MYLK2: variants seen among roughly 807,000 people sequenced by gnomAD.
MYLK2 encodes the protein myosin light chain kinase 2.
A neutral mutation model predicts 58.2 loss-of-function variants in MYLK2; 27 were observed. The ratio of observed to expected loss-of-function variants is 0.46; its 90% confidence interval spans 0.34 to 0.64. The LOEUF is 0.64. Ranked by LOEUF, MYLK2 falls within the 30% of genes least tolerant of loss-of-function variation. The pLI, the probability that MYLK2 is intolerant of heterozygous loss-of-function variation, is 0.01. For missense variants in MYLK2, 676 were observed against 764.3 expected, an observed-to-expected ratio of 0.88 and a Z score of 1.36; for synonymous variants, 310 against 296.7, an observed-to-expected ratio of 1.04 and a Z score of -0.46.
At chr20:31,824,151 A>T in intron 5 of MYLK2, 108 bp from the exon 6 acceptor site, 1 of 1,539,972 alleles carries the variant, frequency 6.5e-7, no homozygotes, top group Non-Finnish European at 8.7e-7. Flanking sequence ...ACCAAAGGGG[A>T]TCCAGAGGCA....
In MYLK2 at chr20:31,821,514, C is replaced by T. The variant is rs3746597; in HGVS notation, c.549C>T (p.His183=). The change falls in exon 4 of 13, where the codon CAC becomes CAT. Residue 183 remains histidine (H), a synonymous_variant. Coordinates refer to ENST00000375985, the MANE Select transcript of MYLK2 (RefSeq NM_033118.4). ...CCTTTGAAGGGGTGCCCATGACCCA[C>T]AGCCCCACGGATCCCAGGCCAGCCA... is the stretch of plus-strand genomic sequence containing the variant. ...ELTFEGVPMT[H]SPTDPRPAKA... is the part of the protein sequence containing the mutation. The T allele has an allele frequency of 5.7e-4, 920 of 1,614,056 alleles. 7 individuals are homozygous for T. The East Asian group carries it at 0.019, about 33-fold the overall frequency.
intron 5 of MYLK2, 177 bp from the exon 6 acceptor site, chr20:31,824,082 A>G (rs2062266146): frequency 1.0e-6 from 1 of 985,456 alleles, no homozygotes; most frequent in Non-Finnish European, 1.2e-6. Context: ...TTGTCCTGGC[A>G]GAACAGCTCA....
chr20:31,822,306 G>A (rs2062255330), intron 4 of MYLK2, among the ~76,000 whole-genome samples: 1 of 152,192 alleles, frequency 6.6e-6, no homozygotes, highest in Non-Finnish European at 1.5e-5. Flanking sequence ...CCTGGGCAAT[G>A]GAATTTGGAG....
At position 31,832,039 on chromosome 20, in the gene MYLK2, C is replaced by T. The variant is rs1600414450; in HGVS notation, c.1613C>T (p.Pro538Leu). The change falls in exon 12 of 13, where the codon CCC becomes CTC. Residue 538 changes from proline (P) to leucine (L), a missense_variant. This residue lies in a region of MYLK2 where 370 missense variants were observed against 467.8 expected (regional missense o/e 0.79). Coordinates refer to ENST00000375985, the MANE Select transcript of MYLK2 (RefSeq NM_033118.4). The part of the protein sequence containing the change: ...RMNAAQCLAH[P>L]WLNNLAEKAK... ...AACGCTGCCCAGTGTCTCGCCCATC[C>T]CTGGCTCAACAACCTGGCGGAGAAA... 3.1e-6 allele frequency: 5 copies of T among 1,607,520 alleles called. No homozygotes were observed. Among genetic ancestry groups the T allele is most frequent in the South Asian group, 1.1e-5 (1 of 90,108 alleles).
At chr20:31,821,347 G>A (rs2062251028) in intron 3 of MYLK2, 92 bp from the exon 4 acceptor site, 1 of 1,493,680 alleles carries the variant, frequency 6.7e-7, no homozygotes, top group South Asian at 1.2e-5. Context: ...TTTGGGGTGG[G>A]GTTGGATTAG....
rs760033905 is a variant in MYLK2, at chr20:31,833,745, A to G, written c.1739A>G (p.Asn580Ser). The change falls in exon 13 of 13, where the codon AAC (asparagine) becomes AGC (serine). Residue 580 changes from asparagine (N) to serine (S), a missense_variant. Physicochemically the swap from Asn to Ser is conservative, Grantham distance 46 (BLOSUM62 1). Transcript: ENST00000375985. ...KKNFIAVSAA[N>S]RFKKISSSGA... ...AACTTCATTGCTGTCAGCGCTGCCA[A>G]CCGCTTCAAGAAGATCAGCAGCTCG... 1.9e-6 allele frequency: 3 copies of G among 1,613,840 alleles called. No homozygotes were observed. In the South Asian group the frequency reaches 3.3e-5, roughly 18 times the overall value.
At chr20:31,833,608 C>T (rs1020886674) in intron 12 of MYLK2, 109 bp from the exon 13 acceptor site, 1 of 1,010,006 alleles carries the variant, frequency 9.9e-7, no homozygotes. Flanking sequence ...TGCACCTTCT[C>T]TAGCCTGTGA....
intron 9 of MYLK2, 44 bp from the exon 10 acceptor site, chr20:31,830,969 T>C: frequency 4.3e-6 from 7 of 1,613,856 alleles, no homozygotes; most frequent in Non-Finnish European, 5.9e-6. Context: ...GGGGCATGGG[T>C]ATAGGCCAGG....
chr20:31,824,403 G>C, intron 6 of MYLK2, 51 bp downstream of exon 6: 1 of 1,575,608 alleles, frequency 6.3e-7, no homozygotes, highest in Non-Finnish European at 8.6e-7. Context: ...GGGGATCCTT[G>C]GAGTGGGCAC....
At position 31,821,671 on chromosome 20, in the gene MYLK2, G is replaced by C; in HGVS notation, c.706G>C (p.Glu236Gln). ...RGIEFQAVPS[E>Q]KSEVGQALCL... ...GATTGAGTTCCAGGCTGTTCCCTCA[G>C]AGAAATCCGAGGTGGGGCAGGCCCT... The change falls in exon 4 of 13, where the codon GAG (glutamate) becomes CAG (glutamine). Residue 236 changes from glutamate to glutamine, a missense_variant. Glu to Gln is a conservative substitution (Grantham distance 29). This residue lies in a region of MYLK2 where 306 missense variants were observed against 296.5 expected (regional missense o/e 1.03). Coordinates refer to ENST00000375985, the MANE Select transcript of MYLK2 (RefSeq NM_033118.4). 5 of 1,613,556 alleles carry C rather than the reference G, an allele frequency of 3.1e-6. No homozygotes were observed. The highest frequency in any genetic ancestry group is 4.2e-6 in the Non-Finnish European group (5 of 1,179,596).
At position 31,830,819 on chromosome 20, in the gene MYLK2, C is replaced by G; in HGVS notation, c.1225C>G (p.Pro409Ala). 1 of 1,613,988 alleles carries G rather than the reference C, an allele frequency of 6.2e-7. No homozygotes were observed. The highest frequency in any genetic ancestry group is 8.5e-7 in the Non-Finnish European group (1 of 1,179,984). ...CCCAGGCCACCCCCTTTCTCCTCAG[C>G]CAGAGAACATCCTGTGTGTCAACAC... ...KMRVLHLDLK[P>A]ENILCVNTTG... is the part of the protein sequence containing the mutation. Residue 409 changes from proline (P) to alanine (A), a missense_variant and splice_region_variant, in exon 9 of 13, where the codon CCA becomes GCA. This residue lies in a region of MYLK2 where 370 missense variants were observed against 467.8 expected (regional missense o/e 0.79). Transcript: ENST00000375985.
At chr20:31,830,478 G>A (rs1042758434) in intron 8 of MYLK2, among the ~76,000 whole-genome samples, 11 of 152,138 alleles carry the variant, frequency 7.2e-5, no homozygotes, top group African/African-American at 1.2e-4. Context: ...GCCTGGGGGC[G>A]GGGATAGCAG....
intron 5 of MYLK2, 62 bp downstream of exon 5, chr20:31,823,644 T>A: frequency 6.6e-7 from 1 of 1,511,560 alleles, no homozygotes; most frequent in Admixed American, 1.7e-5. Context: ...TCCTGTGGCT[T>A]CACATTTCCC....
chr20:31,822,339 T>TGCCA (rs940370623), intron 4 of MYLK2, among the ~76,000 whole-genome samples: 2 of 152,224 alleles, frequency 1.3e-5, no homozygotes, highest in African/African-American at 4.8e-5. Context: ...AGGGCTCAAA[T>TGCCA]GCCAGGCTTA....
At position 31,820,220 on chromosome 20, in the gene MYLK2, C is replaced by A. The variant is rs759267320; in HGVS notation, c.147C>A (p.Thr49=). ...CAAAGAAAGCTCCGGATCCACCCAC[C>A]CTGAAGAAAGATGCCAAAGCCCCTG... ...PDPKKAPDPP[T]LKKDAKAPAS... is the part of the protein sequence containing the mutation. The change falls in exon 3 of 13, where the codon ACC becomes ACA. Residue 49 remains threonine (T), a synonymous_variant. Transcript: ENST00000375985. The A allele has an allele frequency of 1.2e-6, 2 of 1,614,016 alleles. No individual in the cohort carries two copies. Among genetic ancestry groups the A allele is most frequent in the Non-Finnish European group, 1.7e-6 (2 of 1,180,032 alleles).
At chr20:31,824,110 C>T (rs2062266299) in intron 5 of MYLK2, 149 bp from the exon 6 acceptor site, 13 of 1,511,702 alleles carry the variant, frequency 8.6e-6, no homozygotes, top group Middle Eastern at 1.7e-4. Flanking sequence ...AGGAGGGAGT[C>T]AGGGCTGGCT....
At chr20:31,819,493 A>C in intron 1 of MYLK2, 40 bp from the exon 2 acceptor site, 1 of 1,523,206 alleles carries the variant, frequency 6.6e-7, no homozygotes, top group East Asian at 2.5e-5. Flanking sequence ...ACGAGAGGGG[A>C]AATTGGACAG....
Position 31,833,864 on chromosome 20 carries a change from A to T in MYLK2, c.*67A>T, listed in dbSNP as rs1009414060. 7 of 1,432,816 alleles carry T rather than the reference A, an allele frequency of 4.9e-6. No homozygotes were observed. Among genetic ancestry groups the T allele is most frequent in the Non-Finnish European group, 6.8e-6 (7 of 1,029,110 alleles). 88.8% of individuals were successfully genotyped at this position (1,432,816 alleles called of 1,614,324 possible). Reference sequence around the variant, plus strand: ...CCGGGGCTGAAGCCACACAGCCCAGAAGGCCAGAAAAGGCAGCCAGATCCC... The same window carrying T: ...CCGGGGCTGAAGCCACACAGCCCAGTAGGCCAGAAAAGGCAGCCAGATCCC... On this transcript the variant is annotated 3_prime_UTR_variant, in exon 13 of 13. Transcript: ENST00000375985.
At chr20:31,828,084 C>T (rs573360087) in intron 8 of MYLK2, 11 of 616,228 alleles carry the variant, frequency 1.8e-5, no homozygotes, top group East Asian at 1.4e-4. Context: ...GACGGGGTTT[C>T]GCCATGCTGG....
Sources: gnomAD v4.1 joint callset for allele counts (sites outside exome capture counted in the v4.1 genomes callset) on GRCh38, gnomAD v4.1.1 for gene constraint, gnomAD v4.1.1 regional missense constraint, MANE v1.5 for transcripts, NCBI Gene and HGNC (gene_info 2026-07-23, HGNC 2026-07-21) for gene names.